ARB2A: variants seen among roughly 807,000 people sequenced by gnomAD.
ARB2A encodes the protein cotranscriptional regulator ARB2A.
the ARB2A span, among the ~76,000 whole-genome samples, chr5:93,882,775 A>G: frequency 6.6e-6 from 1 of 151,456 alleles, no homozygotes; most frequent in Non-Finnish European, 1.5e-5. Context: ...GTATGATATT[A>G]TAATAAAAAC....
chr5:93,769,586 TG>T, the ARB2A span, among the ~76,000 whole-genome samples: 1 of 152,154 alleles, frequency 6.6e-6, no homozygotes, highest in Non-Finnish European at 1.5e-5. Context: ...TAGGAAATGC[TG>T]GGGGTGCTGG....
the ARB2A span, among the ~76,000 whole-genome samples, chr5:93,997,262 C>A: frequency 1.3e-5 from 2 of 151,964 alleles, no homozygotes; most frequent in African/African-American, 2.4e-5. Context: ...CTAAGCTAAA[C>A]CAGGTTTTAG....
chr5:93,876,595 G>A, the ARB2A span, among the ~76,000 whole-genome samples: 1 of 151,552 alleles, frequency 6.6e-6, no homozygotes, highest in Non-Finnish European at 1.5e-5. Flanking sequence ...ATTTACTTTT[G>A]CCTGTGTATA....
the ARB2A span, among the ~76,000 whole-genome samples, chr5:93,697,266 G>C: frequency 1.3e-5 from 2 of 151,180 alleles, no homozygotes; most frequent in Non-Finnish European, 2.9e-5. Context: ...CTTCCCTTTG[G>C]GTTTTGACCC....
At chr5:93,817,817 T>A in the ARB2A span, among the ~76,000 whole-genome samples, 1 of 151,990 alleles carries the variant, frequency 6.6e-6, no homozygotes, top group African/African-American at 2.4e-5. Context: ...AAAAACTAGC[T>A]TAAATGACAA....
At chr5:93,677,260 TA>T in the ARB2A span, among the ~76,000 whole-genome samples, 1 of 152,012 alleles carries the variant, frequency 6.6e-6, no homozygotes, top group African/African-American at 2.4e-5. Context: ...AAAGTTCATG[TA>T]AAAAAAATTA....
the ARB2A span, chr5:93,805,644 A>G: frequency 3.0e-6 from 3 of 985,074 alleles, no homozygotes; most frequent in African/African-American, 3.5e-5. Flanking sequence ...GGGTCCATAC[A>G]AGAAGCTGAT....
the ARB2A span, among the ~76,000 whole-genome samples, chr5:93,792,234 A>G: frequency 6.6e-6 from 1 of 152,186 alleles, no homozygotes; most frequent in Admixed American, 6.5e-5. Context: ...AGTAGGCAAG[A>G]TATTATAAAA....
chr5:94,100,111 T>C, the ARB2A span, among the ~76,000 whole-genome samples: 1 of 152,128 alleles, frequency 6.6e-6, no homozygotes, highest in South Asian at 2.1e-4. Context: ...AAAATCAATG[T>C]ACAAAAATCA....
At chr5:93,831,009 C>T in the ARB2A span, among the ~76,000 whole-genome samples, 112 of 152,198 alleles carry the variant, frequency 7.4e-4, 1 homozygote, top group Middle Eastern at 3.4e-3. Flanking sequence ...CCCTCACATG[C>T]GCAGTTCACA....
At chr5:94,060,212 T>C in the ARB2A span, among the ~76,000 whole-genome samples, 1 of 151,960 alleles carries the variant, frequency 6.6e-6, no homozygotes, top group Non-Finnish European at 1.5e-5. Flanking sequence ...AATAGTCATG[T>C]GTGGTGGTGC....
the ARB2A span, among the ~76,000 whole-genome samples, chr5:93,939,954 C>T: frequency 4.0e-5 from 6 of 151,410 alleles, no homozygotes; most frequent in Non-Finnish European, 7.4e-5. Flanking sequence ...AAACTGTATC[C>T]GTTTTTTTTT....
the ARB2A span, among the ~76,000 whole-genome samples, chr5:93,766,454 G>A: frequency 6.6e-6 from 1 of 152,098 alleles, no homozygotes. Context: ...ATCATCACTG[G>A]CCATCAGAGA....
chr5:93,646,681 T>G, the ARB2A span, among the ~76,000 whole-genome samples: 1 of 151,990 alleles, frequency 6.6e-6, no homozygotes, highest in South Asian at 2.1e-4. Context: ...GTTCCAAAGA[T>G]TCTCTTTAAA....
the ARB2A span, among the ~76,000 whole-genome samples, chr5:93,641,049 A>C: frequency 6.6e-6 from 1 of 151,874 alleles, no homozygotes; most frequent in Non-Finnish European, 1.5e-5. Context: ...AAAATACAAA[A>C]ATTAGCCAGG....
At chr5:93,723,478 A>G in the ARB2A span, among the ~76,000 whole-genome samples, 102 of 152,246 alleles carry the variant, frequency 6.7e-4, no homozygotes, top group African/African-American at 2.3e-3. Flanking sequence ...GGTCTTTTAT[A>G]GACATCAAAG....
the ARB2A span, among the ~76,000 whole-genome samples, chr5:93,814,367 A>G: frequency 3.9e-5 from 6 of 152,226 alleles, no homozygotes; most frequent in Non-Finnish European, 8.8e-5. Context: ...AGCAAAAGAT[A>G]ACTATGTATT....
the ARB2A span, among the ~76,000 whole-genome samples, chr5:93,745,592 G>T: frequency 6.6e-6 from 1 of 151,968 alleles, no homozygotes; most frequent in East Asian, 1.9e-4. Context: ...CCTCCCAAAA[G>T]CTTCTCATAC....
At chr5:93,753,732 G>A in the ARB2A span, among the ~76,000 whole-genome samples, 1 of 152,198 alleles carries the variant, frequency 6.6e-6, no homozygotes, top group Non-Finnish European at 1.5e-5. Context: ...TAGGGAAGCT[G>A]AAATAACAGA....
Sources: gnomAD v4.1 joint callset for allele counts (sites outside exome capture counted in the v4.1 genomes callset) on GRCh38, gnomAD v4.1.1 for gene constraint, MANE v1.5 for transcripts, NCBI Gene and HGNC (gene_info 2026-07-23, HGNC 2026-07-21) for gene names.